Variants in MYH14 observed in about 807,000 individuals in gnomAD.
MYH14 encodes myosin heavy chain 14.
MYH14 carries 123 observed loss-of-function variants against 255.5 expected under a neutral mutation model. That is an observed-to-expected ratio of 0.48 (90% CI 0.42 to 0.56). The LOEUF is 0.56. Ranked by LOEUF, MYH14 falls within the 20% of genes least tolerant of loss-of-function variation. The probability of loss-of-function intolerance (pLI) is 0.00; values close to 1 mark genes in which losing one functional copy is unlikely to be tolerated. For missense variants in MYH14, 2,423 were observed against 2,802.3 expected (o/e 0.86, Z 3.06); for synonymous variants, 1,095 against 1,161.2 (o/e 0.94, Z 1.16).
chr19:50,289,618 T>C lies in MYH14; in HGVS notation c.4935T>C (p.Gly1645=), dbSNP rs776948081. ...ACCTGCAGGGCCGTGATGAGGCTGG[T>C]GAAGAGAGGCGGAGGCAGCTGGCCA... ...ERDLQGRDEA[G]EERRRQLAKQ... Residue 1645 remains glycine (G), a synonymous_variant, in exon 35 of 43, where the codon GGT becomes GGC. Coordinates refer to ENST00000642316, the MANE Select transcript of MYH14 (RefSeq NM_001145809.2). The C allele has an allele frequency of 1.2e-6, 2 of 1,610,810 alleles. No homozygotes were observed. The highest frequency in any genetic ancestry group is 4.5e-5 in the East Asian group (2 of 44,744).
intron 18 of MYH14, chr19:50,258,721 CAAAA>C (rs1160071813): frequency 8.8e-5 from 3 of 33,950 alleles, no homozygotes; most frequent in South Asian, 1.2e-3. Flanking sequence ...GACTCTGTCT[CAAAA>C]AAAAAAAAAA....
chr19:50,282,965 C>G (rs1467566433), intron 33 of MYH14, among the ~76,000 whole-genome samples: 1 of 151,920 alleles, frequency 6.6e-6, no homozygotes, highest in African/African-American at 2.4e-5. Context: ...CTCCCACTCT[C>G]TCTCCTTCCC....
chr19:50,303,633 G>A (rs2036565369), intron 40 of MYH14, among the ~76,000 whole-genome samples: 1 of 151,518 alleles, frequency 6.6e-6, no homozygotes, highest in South Asian at 2.1e-4. Context: ...TGTTGTATCA[G>A]TCTAGCACAA....
At chr19:50,261,719 G>T in intron 21 of MYH14, 84 bp downstream of exon 21, 2 of 1,344,794 alleles carry the variant, frequency 1.5e-6, no homozygotes, top group Non-Finnish European at 9.9e-7. Context: ...AGGTGTCAGG[G>T]CCTCCAGGAT....
chr19:50,281,934 C>A, intron 33 of MYH14, 92 bp downstream of exon 33: 1 of 1,395,788 alleles, frequency 7.2e-7, no homozygotes, highest in Non-Finnish European at 9.8e-7. Flanking sequence ...CGTGCTGTCA[C>A]GGCTCAACTA....
intron 33 of MYH14, among the ~76,000 whole-genome samples, chr19:50,283,721 A>C (rs2035797589): frequency 6.6e-6 from 1 of 152,190 alleles, no homozygotes; most frequent in Non-Finnish European, 1.5e-5. Context: ...GCTTCTGTTC[A>C]GATCTTTTGC....
Position 50,232,065 on chromosome 19 carries a change from T to G in MYH14, c.1109T>G (p.Ile370Ser). The G allele has an allele frequency of 6.2e-7, 1 of 1,611,778 alleles. No homozygotes were observed. The highest frequency in any genetic ancestry group is 8.5e-7 in the Non-Finnish European group (1 of 1,179,874). ...LRVLGFSHEE[I>S]ISMLRMVSAV... ...GTCCTGGGATTCAGCCACGAGGAAATCATCTGTGAGTGAGCCCCGTGGAGG... is the reference window on the plus strand; with the variant it reads ...GTCCTGGGATTCAGCCACGAGGAAAGCATCTGTGAGTGAGCCCCGTGGAGG... The change falls in exon 10 of 43, where the codon ATC becomes AGC. Residue 370 changes from isoleucine (I) to serine (S), a missense_variant. Ile to Ser is a moderately radical substitution (Grantham distance 142). This residue lies in a region of MYH14 where 672 missense variants were observed against 881.8 expected (regional missense o/e 0.76). Transcript: ENST00000642316.
At chr19:50,219,157 T>G (rs888521676) in intron 3 of MYH14, among the ~76,000 whole-genome samples, 2 of 147,660 alleles carry the variant, frequency 1.4e-5, no homozygotes, top group African/African-American at 4.9e-5. Flanking sequence ...TACATATATA[T>G]ATGTATCACA....
intron 24 of MYH14, among the ~76,000 whole-genome samples, chr19:50,269,335 A>G (rs2035210319): frequency 6.6e-6 from 1 of 152,176 alleles, no homozygotes; most frequent in African/African-American, 2.4e-5. Flanking sequence ...GTGTGCCACC[A>G]TGCCCAGCTA....
intron 16 of MYH14, 94 bp from the exon 17 acceptor site, chr19:50,255,126 A>G (rs1443794352): frequency 6.8e-6 from 5 of 732,578 alleles, no homozygotes; most frequent in Non-Finnish European, 1.2e-5. Context: ...TCTTCCTGCC[A>G]CCTCCTCTCC....
At chr19:50,233,628 G>T in intron 10 of MYH14, among the ~76,000 whole-genome samples, 1 of 152,266 alleles carries the variant, frequency 6.6e-6, no homozygotes, top group South Asian at 2.1e-4. Flanking sequence ...CCGGGATCGT[G>T]GTGTTAGTGA....
chr19:50,254,768 G>T (rs2034530937), intron 16 of MYH14, among the ~76,000 whole-genome samples: 1 of 152,212 alleles, frequency 6.6e-6, no homozygotes, highest in Non-Finnish European at 1.5e-5. Context: ...TGCTAGAGCT[G>T]CTTTGAGCCC....
chr19:50,281,107 G>A (rs1247165781), intron 32 of MYH14, among the ~76,000 whole-genome samples: 1 of 152,190 alleles, frequency 6.6e-6, no homozygotes, highest in African/African-American at 2.4e-5. Context: ...ATGTATGGTA[G>A]GCGTTGAGAA....
chr19:50,241,511 A>G (rs572580917), intron 10 of MYH14, among the ~76,000 whole-genome samples: 8 of 152,246 alleles, frequency 5.3e-5, no homozygotes, highest in African/African-American at 1.9e-4. Context: ...CTCAAACACC[A>G]CACACAGCTC....
chr19:50,254,690 G>A (rs938523792), intron 16 of MYH14, among the ~76,000 whole-genome samples: 1 of 152,228 alleles, frequency 6.6e-6, no homozygotes, highest in Admixed American at 6.5e-5. Flanking sequence ...TCAAGGAGCT[G>A]CAAGACACAG....
intron 11 of MYH14, among the ~76,000 whole-genome samples, chr19:50,246,432 C>T (rs2123292338): frequency 6.6e-6 from 1 of 152,112 alleles, no homozygotes; most frequent in South Asian, 2.1e-4. Context: ...GGGCGTGAGC[C>T]ACCGTGCCCC....
At chr19:50,305,549 G>C (rs2036626656) in intron 40 of MYH14, among the ~76,000 whole-genome samples, 1 of 152,092 alleles carries the variant, frequency 6.6e-6, no homozygotes, top group African/African-American at 2.4e-5. Context: ...GGGCTTATGG[G>C]AACTGTAGCT....
intron 2 of MYH14, among the ~76,000 whole-genome samples, chr19:50,217,150 G>A (rs2032525732): frequency 6.6e-6 from 1 of 152,036 alleles, no homozygotes; most frequent in South Asian, 2.1e-4. Context: ...AGCTCCTCAC[G>A]CAGTCCTCAA....
chr19:50,232,185 C>A, intron 10 of MYH14, 115 bp downstream of exon 10: 4 of 1,338,742 alleles, frequency 3.0e-6, no homozygotes, highest in East Asian at 2.4e-5. Flanking sequence ...CTACTGGGTG[C>A]AGGCACCGGG....
Sources: gnomAD v4.1 joint callset for allele counts (sites outside exome capture counted in the v4.1 genomes callset) on GRCh38, gnomAD v4.1.1 for gene constraint, gnomAD v4.1.1 regional missense constraint, MANE v1.5 for transcripts, NCBI Gene and HGNC (gene_info 2026-07-23, HGNC 2026-07-21) for gene names.